ABTB3: variants seen among roughly 807,000 people sequenced by gnomAD.
The protein encoded by ABTB3 is ankyrin repeat- and BTB/POZ domain-containing protein 3.
the ABTB3 span, among the ~76,000 whole-genome samples, chr12:107,469,981 T>C: frequency 2.2e-5 from 2 of 90,924 alleles, no homozygotes; most frequent in Non-Finnish European, 4.0e-5. Context: ...TCTTTCTTTC[T>C]TTCTTTCTTT....
At chr12:107,323,031 T>C in the ABTB3 span, among the ~76,000 whole-genome samples, 33 of 152,356 alleles carry the variant, frequency 2.2e-4, 1 homozygote, top group East Asian at 1.7e-3. Flanking sequence ...AGTTGGAGCT[T>C]ATTAGATACC....
the ABTB3 span, among the ~76,000 whole-genome samples, chr12:107,444,914 G>A: frequency 6.6e-6 from 1 of 152,146 alleles, no homozygotes; most frequent in Admixed American, 6.5e-5. Flanking sequence ...ACCACAGAGT[G>A]CTCCAGAGAG....
chr12:107,382,761 G>T, the ABTB3 span, among the ~76,000 whole-genome samples: 1 of 152,108 alleles, frequency 6.6e-6, no homozygotes, highest in Non-Finnish European at 1.5e-5. Context: ...GGCCTGTTGT[G>T]GGGTGGAGGG....
chr12:107,574,122 T>A, the ABTB3 span, among the ~76,000 whole-genome samples: 1 of 152,156 alleles, frequency 6.6e-6, no homozygotes, highest in South Asian at 2.1e-4. Context: ...TAAATGAGAA[T>A]CCAGGTGGAG....
At chr12:107,441,451 G>A in the ABTB3 span, among the ~76,000 whole-genome samples, 12 of 152,034 alleles carry the variant, frequency 7.9e-5, no homozygotes, top group Non-Finnish European at 1.8e-4. Context: ...CACATACTGG[G>A]GCCTATTGGG....
At chr12:107,451,394 G>A in the ABTB3 span, among the ~76,000 whole-genome samples, 155 of 152,306 alleles carry the variant, frequency 1.0e-3, no homozygotes, top group South Asian at 2.5e-3. Context: ...GCTGCGTTAC[G>A]CAGTACTGAG....
chr12:107,594,872 A>G, the ABTB3 span, among the ~76,000 whole-genome samples: 1 of 152,150 alleles, frequency 6.6e-6, no homozygotes, highest in African/African-American at 2.4e-5. Flanking sequence ...ACCCTACACC[A>G]GGGTCTTTCA....
the ABTB3 span, among the ~76,000 whole-genome samples, chr12:107,365,379 T>C: frequency 6.6e-6 from 1 of 152,146 alleles, no homozygotes; most frequent in Non-Finnish European, 1.5e-5. Flanking sequence ...TTGGGGGATA[T>C]GAAGGAAATC....
chr12:107,417,919 T>A, the ABTB3 span, among the ~76,000 whole-genome samples: 2 of 152,222 alleles, frequency 1.3e-5, no homozygotes, highest in Non-Finnish European at 2.9e-5. Context: ...GCCCCACCAG[T>A]AGGGAGAAGT....
the ABTB3 span, among the ~76,000 whole-genome samples, chr12:107,461,619 C>T: frequency 1.6e-5 from 2 of 123,350 alleles, no homozygotes; most frequent in Non-Finnish European, 3.6e-5. Flanking sequence ...TTTATAAATC[C>T]TCGGCTCTTG....
chr12:107,617,474 GTGTT>G, the ABTB3 span: 7 of 1,608,178 alleles, frequency 4.4e-6, no homozygotes, highest in East Asian at 6.7e-5. Flanking sequence ...GTCCCGAGTG[GTGTT>G]TGTTAAAAAT....
the ABTB3 span, among the ~76,000 whole-genome samples, chr12:107,493,852 G>T: frequency 6.6e-6 from 1 of 152,180 alleles, no homozygotes; most frequent in African/African-American, 2.4e-5. Context: ...CAAAACCCTA[G>T]GAGCTGGCAG....
At chr12:107,496,781 C>T in the ABTB3 span, among the ~76,000 whole-genome samples, 2 of 152,130 alleles carry the variant, frequency 1.3e-5, no homozygotes, top group Non-Finnish European at 1.5e-5. Flanking sequence ...AACTGAGGCA[C>T]GGAGAGGTTC....
At chr12:107,553,062 C>A in the ABTB3 span, among the ~76,000 whole-genome samples, 1 of 152,158 alleles carries the variant, frequency 6.6e-6, no homozygotes, top group Non-Finnish European at 1.5e-5. Flanking sequence ...GCTTCAGTTT[C>A]TTCAGCTGTG....
the ABTB3 span, among the ~76,000 whole-genome samples, chr12:107,639,199 G>C: frequency 6.6e-6 from 1 of 152,250 alleles, no homozygotes; most frequent in East Asian, 1.9e-4. Context: ...ATGGGGAACT[G>C]AGAGCTACCC....
chr12:107,533,787 A>G, the ABTB3 span, among the ~76,000 whole-genome samples: 1 of 152,340 alleles, frequency 6.6e-6, no homozygotes, highest in East Asian at 1.9e-4. Flanking sequence ...TTTAACAGAC[A>G]TTATACAACA....
the ABTB3 span, among the ~76,000 whole-genome samples, chr12:107,567,422 G>T: frequency 3.3e-5 from 5 of 152,202 alleles, no homozygotes; most frequent in Non-Finnish European, 7.3e-5. Context: ...TTATGGTACT[G>T]TATTTTTACT....
chr12:107,623,061 CTTT>C, the ABTB3 span, among the ~76,000 whole-genome samples: 4 of 138,242 alleles, frequency 2.9e-5, no homozygotes, highest in South Asian at 2.3e-4. Context: ...GCTTATTTGT[CTTT>C]TTTTTTTTTT....
chr12:107,451,469 C>A, the ABTB3 span, among the ~76,000 whole-genome samples: 1 of 152,152 alleles, frequency 6.6e-6, no homozygotes, highest in African/African-American at 2.4e-5. Context: ...ACTATCTTCA[C>A]CTGGTCCCCT....
Sources: allele counts gnomAD v4.1 joint callset (sites outside exome capture counted in the v4.1 genomes callset), GRCh38; gene constraint gnomAD v4.1.1; transcripts MANE v1.5; gene names NCBI Gene and HGNC (gene_info 2026-07-23, HGNC 2026-07-21).